The following FRMD6 variants were observed in gnomAD, a reference collection of about 807,000 sequenced individuals.
FRMD6 encodes FERM domain containing 6, also known as FERM domain-containing protein 6.
FRMD6 carries 37 observed loss-of-function variants against 73.2 expected under a neutral mutation model. That is an observed-to-expected ratio of 0.51 (90% CI 0.39 to 0.66). FRMD6 has a LOEUF of 0.66. Ranked by LOEUF, FRMD6 falls within the 30% of genes least tolerant of loss-of-function variation. The pLI is 0.00. For missense variants in FRMD6, 714 were observed against 780.5 expected, an observed-to-expected ratio of 0.91 and a Z score of 1.02; for synonymous variants, 273 against 282.2, an observed-to-expected ratio of 0.97 and a Z score of 0.33.
At chr14:51,632,367 A>G (rs1254032127) in intron 2 of FRMD6, among the ~76,000 whole-genome samples, 2 of 152,348 alleles carry the variant, frequency 1.3e-5, no homozygotes, top group East Asian at 3.9e-4. Flanking sequence ...ACTCCATAAT[A>G]AAATACGCTT....
At chr14:51,679,820 T>G (rs1169403831) in intron 1 of FRMD6, among the ~76,000 whole-genome samples, 2 of 152,170 alleles carry the variant, frequency 1.3e-5, no homozygotes, top group Admixed American at 1.3e-4. Flanking sequence ...GACCTGTGCT[T>G]TGGAGAAATA....
chr14:51,681,178 G>A (rs1216991220), intron 1 of FRMD6, among the ~76,000 whole-genome samples: 1 of 152,182 alleles, frequency 6.6e-6, no homozygotes, highest in Non-Finnish European at 1.5e-5. Context: ...TTAATTGGAA[G>A]GTTCTTTTTT....
chr14:51,610,891 C>T (rs1890465200), intron 2 of FRMD6, among the ~76,000 whole-genome samples: 1 of 152,184 alleles, frequency 6.6e-6, no homozygotes, highest in Admixed American at 6.5e-5. Context: ...ATGGCTATGA[C>T]TTTGACTTTT....
chr14:51,613,953 A>G (rs548198659), intron 2 of FRMD6, among the ~76,000 whole-genome samples: 1 of 152,306 alleles, frequency 6.6e-6, no homozygotes, highest in African/African-American at 2.4e-5. Flanking sequence ...ATATATTTTT[A>G]TCACTATCGC....
At chr14:51,588,569 G>C (rs770874932) in intron 2 of FRMD6, among the ~76,000 whole-genome samples, 7 of 152,128 alleles carry the variant, frequency 4.6e-5, no homozygotes, top group African/African-American at 1.7e-4. Flanking sequence ...CCAAACAGGG[G>C]ACATGGTTCT....
intron 1 of FRMD6, among the ~76,000 whole-genome samples, chr14:51,662,127 A>ACTTTT (rs1237663529): frequency 6.6e-6 from 1 of 152,108 alleles, no homozygotes; most frequent in African/African-American, 2.4e-5. Context: ...AAATACTCAT[A>ACTTTT]CTTTGTTTAA....
intron 6 of FRMD6, among the ~76,000 whole-genome samples, chr14:51,706,658 C>T (rs1896640849): frequency 1.3e-5 from 2 of 151,994 alleles, no homozygotes; most frequent in Admixed American, 1.3e-4. Flanking sequence ...ACTCATCCTC[C>T]GAGACTCAGC....
At chr14:51,499,779 T>C (rs963676313) in intron 1 of FRMD6, among the ~76,000 whole-genome samples, 1 of 152,252 alleles carries the variant, frequency 6.6e-6, no homozygotes, top group Non-Finnish European at 1.5e-5. Context: ...ATAAACTCTT[T>C]TAGGACTCTA....
At chr14:51,669,578 C>T (rs532053246) in intron 1 of FRMD6, among the ~76,000 whole-genome samples, 2 of 152,070 alleles carry the variant, frequency 1.3e-5, no homozygotes, top group Non-Finnish European at 2.9e-5. Flanking sequence ...TACCTGACTT[C>T]GATTTTTATT....
At chr14:51,616,501 C>T (rs1480335302) in intron 2 of FRMD6, among the ~76,000 whole-genome samples, 1 of 152,106 alleles carries the variant, frequency 6.6e-6, no homozygotes, top group Non-Finnish European at 1.5e-5. Context: ...TCTTAAAGAT[C>T]AGGTGAATCA....
At chr14:51,505,189 C>G (rs1883883682) in intron 1 of FRMD6, among the ~76,000 whole-genome samples, 1 of 152,128 alleles carries the variant, frequency 6.6e-6, no homozygotes, top group South Asian at 2.1e-4. Context: ...AGAAACTTTT[C>G]ACACTATTTA....
At chr14:51,533,511 T>C (rs944988085) in intron 1 of FRMD6, among the ~76,000 whole-genome samples, 4 of 152,186 alleles carry the variant, frequency 2.6e-5, no homozygotes, top group African/African-American at 9.7e-5. Flanking sequence ...TACGGCTGAC[T>C]CTCCATTTTA....
intron 10 of FRMD6, among the ~76,000 whole-genome samples, chr14:51,718,887 C>G (rs1897380955): frequency 6.6e-6 from 1 of 152,138 alleles, no homozygotes; most frequent in African/African-American, 2.4e-5. Flanking sequence ...TCTAGGGACC[C>G]TGTGATGATT....
At chr14:51,467,776 G>C in the FRMD6 span, among the ~76,000 whole-genome samples, 13 of 151,494 alleles carry the variant, frequency 8.6e-5, no homozygotes, top group East Asian at 1.8e-3. Context: ...ACGGGATGAC[G>C]GCCAGGAAGA....
At chr14:51,591,731 C>T (rs1245624449) in intron 2 of FRMD6, among the ~76,000 whole-genome samples, 6 of 152,018 alleles carry the variant, frequency 3.9e-5, no homozygotes, top group African/African-American at 7.2e-5. Flanking sequence ...TTAGTAGAGA[C>T]GGGGTTTCAC....
the FRMD6 span, among the ~76,000 whole-genome samples, chr14:51,478,936 A>G: frequency 6.6e-6 from 1 of 152,174 alleles, no homozygotes; most frequent in Non-Finnish European, 1.5e-5. Flanking sequence ...TGCCAGAAGA[A>G]ATTCGGAGAA....
At chr14:51,498,786 T>C (rs1302753696) in intron 1 of FRMD6, among the ~76,000 whole-genome samples, 1 of 152,184 alleles carries the variant, frequency 6.6e-6, no homozygotes, top group East Asian at 1.9e-4. Context: ...GGGAGGAAAC[T>C]ACACAAGGGC....
At chr14:51,399,104 G>T in the FRMD6 span, among the ~76,000 whole-genome samples, 2 of 152,158 alleles carry the variant, frequency 1.3e-5, no homozygotes, top group East Asian at 3.8e-4. Flanking sequence ...CATTGCTCAT[G>T]AGCTTTCTTC....
At chr14:51,547,661 A>G (rs1250754173) in intron 1 of FRMD6, 1 of 152,172 alleles carries the variant, frequency 6.6e-6, no homozygotes, top group Non-Finnish European at 1.5e-5. Context: ...TCTTTCTTAT[A>G]ATATCCCACC....
Sources: gnomAD v4.1 joint callset for allele counts (sites outside exome capture counted in the v4.1 genomes callset) on GRCh38, gnomAD v4.1.1 for gene constraint, MANE v1.5 for transcripts, NCBI Gene and HGNC (gene_info 2026-07-23, HGNC 2026-07-21) for gene names.